The following PTPRB variants were observed in gnomAD, a reference collection of about 807,000 sequenced individuals.
PTPRB encodes protein tyrosine phosphatase receptor type B, also known as receptor-type tyrosine-protein phosphatase beta.
PTPRB carries 97 observed loss-of-function variants against 238.1 expected under a neutral mutation model. The observed-to-expected ratio is 0.41, with a 90% confidence interval of 0.35 to 0.48. The LOEUF (loss-of-function observed/expected upper bound fraction) is 0.48, where lower values mean the gene tolerates loss of function less well. Ranked by LOEUF, PTPRB falls within the 20% of genes least tolerant of loss-of-function variation. The pLI is 0.30. For missense variants in PTPRB, 2,292 were observed against 2,681.9 expected (o/e 0.85, Z 3.21); for synonymous variants, 970 against 995.4 (o/e 0.97, Z 0.48).
At chr12:70,629,946 ATAAT>A (rs1261421677) in intron 2 of PTPRB, among the ~76,000 whole-genome samples, 1 of 152,180 alleles carries the variant, frequency 6.6e-6, no homozygotes, top group Non-Finnish European at 1.5e-5. Context: ...AATTGAGGCA[ATAAT>A]TAATAGCCTA....
rs1871218908 is a variant in PTPRB at position 70,516,661 on chromosome 12, T to C, written c.*4828A>G. 6.6e-6 allele frequency: 1 copy of C among 152,256 alleles called. No homozygotes were observed. The highest frequency in any genetic ancestry group is 2.1e-4 in the South Asian group (1 of 4,836). 9.4% of individuals were successfully genotyped at this position (152,256 alleles called of 1,614,324 possible). The stretch of plus-strand genomic sequence containing the variant: ...TTCTTGGGGTGAGGATATTATTTAT[T>C]AAAATAGCTATAACCAATTCTTTTT... On this transcript the variant is annotated 3_prime_UTR_variant, in exon 34 of 34. Coordinates refer to ENST00000334414, the MANE Select transcript of PTPRB (RefSeq NM_001109754.4).
intron 2 of PTPRB, among the ~76,000 whole-genome samples, chr12:70,632,023 T>C (rs1406232123): frequency 1.3e-5 from 2 of 152,194 alleles, no homozygotes; most frequent in East Asian, 3.9e-4. Flanking sequence ...AGTGTGGTGA[T>C]TCTTCAAGGA....
intron 22 of PTPRB, chr12:70,541,788 C>G (rs554852591): frequency 3.9e-5 from 6 of 152,216 alleles, no homozygotes; most frequent in African/African-American, 1.4e-4. Context: ...TAGCATATAC[C>G]AAGATTTCAT....
rs773268026 is a variant in PTPRB at position 70,609,295 on chromosome 12, C to A, written c.753G>T (p.Glu251Asp). The A allele has an allele frequency of 1.1e-5, 18 of 1,613,932 alleles. No homozygotes were observed. Among genetic ancestry groups the A allele is most frequent in the Admixed American group, 1.7e-5 (1 of 60,010 alleles). Reference sequence around the variant, plus strand: ...ACACAGAATGGCTGGAGGCCTTGGACTCCGCCAGGGTGAAGTTACATCTCT... The same window carrying A: ...ACACAGAATGGCTGGAGGCCTTGGAATCCGCCAGGGTGAAGTTACATCTCT... ...EPERCNFTLA[E>D]SKASSHSVSI... Residue 251 changes from glutamate to aspartate, a missense_variant, in exon 4 of 34, where the codon GAG (glutamate) becomes GAT (aspartate). Glu to Asp is a conservative substitution (Grantham distance 45). Coordinates refer to ENST00000334414, the MANE Select transcript of PTPRB (RefSeq NM_001109754.4).
intron 32 of PTPRB, among the ~76,000 whole-genome samples, chr12:70,530,106 A>T (rs1481898427): frequency 6.6e-6 from 1 of 150,702 alleles, no homozygotes; most frequent in Non-Finnish European, 1.5e-5. Flanking sequence ...ATTATAGATT[A>T]TAGAAAGATT....
At chr12:70,533,690 T>C (rs1873651263) in intron 31 of PTPRB, among the ~76,000 whole-genome samples, 1 of 152,210 alleles carries the variant, frequency 6.6e-6, no homozygotes, top group Non-Finnish European at 1.5e-5. Context: ...GATTAGGTCA[T>C]GAGGGCTCTG....
chr12:70,610,105 T>A (rs1884342481), intron 3 of PTPRB, among the ~76,000 whole-genome samples: 1 of 152,060 alleles, frequency 6.6e-6, no homozygotes, highest in Non-Finnish European at 1.5e-5. Context: ...TCCGCTGACT[T>A]CCGCAATCAA....
intron 13 of PTPRB, 198 bp downstream of exon 13, chr12:70,570,828 C>A (rs925410969): frequency 3.1e-6 from 2 of 654,570 alleles, no homozygotes; most frequent in Non-Finnish European, 5.1e-6. Context: ...CCCTCCAACC[C>A]CGCCACTCTC....
At chr12:70,586,245 A>C (rs2567157) in intron 9 of PTPRB, among the ~76,000 whole-genome samples, 138,023 of 152,218 alleles carry the variant, frequency 0.91, 62,855 homozygotes, top group East Asian at 1. Context: ...AATGGTTGAA[A>C]TAGTTTACAG....
At chr12:70,556,189 G>A in intron 18 of PTPRB, 41 bp from the exon 19 acceptor site, 1 of 1,533,428 alleles carries the variant, frequency 6.5e-7, no homozygotes, top group Non-Finnish European at 8.7e-7. Context: ...AGAACTCAGG[G>A]AGAATTTTTT....
In PTPRB at chr12:70,576,363, A is replaced by AACCTTCAT; in HGVS notation, c.2842+11_2842+18dup. ...GTGAATTGGTTCTTACGGAGCCCTGAACCTTCATACAGCCTTACCTGTCCG... is the reference window on the plus strand; with the variant it reads ...GTGAATTGGTTCTTACGGAGCCCTGAACCTTCATACCTTCATACAGCCTTACCTGTCCG... On this transcript the variant is annotated intron_variant, in intron 11 of 33. Coordinates refer to ENST00000334414, the MANE Select transcript of PTPRB (RefSeq NM_001109754.4). The AACCTTCAT allele has an allele frequency of 6.2e-7, 1 of 1,609,336 alleles. No individual in the cohort carries two copies. The highest frequency in any genetic ancestry group is 1.1e-5 in the South Asian group (1 of 89,772).
intron 32 of PTPRB, among the ~76,000 whole-genome samples, chr12:70,528,337 T>G (rs1872696149): frequency 6.6e-6 from 1 of 152,086 alleles, no homozygotes; most frequent in Non-Finnish European, 1.5e-5. Context: ...TTACAAGCAG[T>G]GGTGAGCTTT....
rs1320158334 is a variant in PTPRB at position 70,566,568 on chromosome 12, G to A, written c.3771C>T (p.Arg1257=). 6.2e-7 allele frequency: 1 copy of A among 1,613,956 alleles called. No homozygotes were observed. Residue 1257 remains arginine (R), a synonymous_variant, in exon 15 of 34, where the codon CGC becomes CGT. Coordinates refer to ENST00000334414, the MANE Select transcript of PTPRB (RefSeq NM_001109754.4). ...LLLTENGILL[R]NTSEPATTKQ... is the part of the protein sequence containing the mutation. ...TAGTGGTGGCTGGCTCTGATGTGTT[G>A]CGCAGAAGGATTCCATTTTCAGTTA...
At chr12:70,582,198 T>C (rs557425647) in intron 9 of PTPRB, among the ~76,000 whole-genome samples, 1 of 152,218 alleles carries the variant, frequency 6.6e-6, no homozygotes, top group African/African-American at 2.4e-5. Flanking sequence ...ATTACAATAA[T>C]CAAAGGGACT....
chr12:70,547,521 CCTTTTT>C (rs1876177063), intron 21 of PTPRB, among the ~76,000 whole-genome samples: 1 of 78,554 alleles, frequency 1.3e-5, no homozygotes. Flanking sequence ...TTCTTTCCTT[CCTTTTT>C]TTTTTTTTTT....
chr12:70,559,667 G>T, intron 17 of PTPRB, 43 bp from the exon 18 acceptor site: 1 of 1,517,706 alleles, frequency 6.6e-7, no homozygotes, highest in Non-Finnish European at 9.1e-7. Context: ...TCACAGCTAT[G>T]CCATAACATA....
At chr12:70,536,884 C>G (rs12829156) in intron 28 of PTPRB, among the ~76,000 whole-genome samples, 23,998 of 152,232 alleles carry the variant, frequency 0.16, 2,231 homozygotes, top group Non-Finnish European at 0.22. Flanking sequence ...TTATCTTTCT[C>G]TCTGCTGGGG....
At chr12:70,570,941 A>G (rs1879961385) in intron 13 of PTPRB, 85 bp downstream of exon 13, 1 of 1,457,232 alleles carries the variant, frequency 6.9e-7, no homozygotes, top group Admixed American at 1.9e-5. Context: ...TATCCCTCCA[A>G]ATGCTCAATC....
At chr12:70,628,458 G>A (rs573355345) in intron 2 of PTPRB, among the ~76,000 whole-genome samples, 46 of 152,306 alleles carry the variant, frequency 3.0e-4, no homozygotes, top group Non-Finnish European at 4.3e-4. Flanking sequence ...GAATGACATA[G>A]GCATGGCCTA....
Sources: gnomAD v4.1 joint callset for allele counts (sites outside exome capture counted in the v4.1 genomes callset) on GRCh38, gnomAD v4.1.1 for gene constraint, MANE v1.5 for transcripts, NCBI Gene and HGNC (gene_info 2026-07-23, HGNC 2026-07-21) for gene names.